Variants in ADGRL3 observed in about 807,000 individuals in gnomAD.
ADGRL3 encodes adhesion G protein-coupled receptor L3.
Under a neutral mutation model 153.5 loss-of-function variants are expected in ADGRL3, and 62 were observed. The observed-to-expected ratio is 0.40, with a 90% confidence interval of 0.33 to 0.50. The LOEUF (loss-of-function observed/expected upper bound fraction) is 0.50. Ranked by LOEUF, ADGRL3 falls within the 20% of genes least tolerant of loss-of-function variation. The probability of loss-of-function intolerance (pLI) is 0.47; values close to 1 mark genes in which losing one functional copy is unlikely to be tolerated. For missense variants in ADGRL3, 1,641 were observed against 1,859.4 expected, an observed-to-expected ratio of 0.88 and a Z score of 2.16; for synonymous variants, 710 against 672.5, an observed-to-expected ratio of 1.06 and a Z score of -0.86.
chr4:61,690,837 A>G (rs1033546782), intron 6 of ADGRL3, among the ~76,000 whole-genome samples: 5 of 152,174 alleles, frequency 3.3e-5, no homozygotes, highest in African/African-American at 1.2e-4. Context: ...TTACTTATCA[A>G]GAGCTACTCA....
At chr4:61,826,108 T>A (rs1043583475) in intron 9 of ADGRL3, among the ~76,000 whole-genome samples, 1 of 147,764 alleles carries the variant, frequency 6.8e-6, no homozygotes, top group Non-Finnish European at 1.5e-5. Context: ...TACCTTGTAG[T>A]GGGAGATTTG....
chr4:61,886,186 A>T (rs1453432787), intron 9 of ADGRL3, among the ~76,000 whole-genome samples: 1 of 152,162 alleles, frequency 6.6e-6, no homozygotes, highest in Middle Eastern at 3.2e-3. Context: ...TAATTTCATG[A>T]CCGATAATAT....
chr4:61,912,695 A>C, intron 12 of ADGRL3, 24 bp from the exon 13 acceptor site: 1 of 1,610,088 alleles, frequency 6.2e-7, no homozygotes, highest in African/African-American at 1.3e-5. Flanking sequence ...TTCTGTGTTT[A>C]ATCTGCTGTC....
chr4:61,661,094 A>C (rs1013695627), intron 5 of ADGRL3, among the ~76,000 whole-genome samples: 7 of 152,068 alleles, frequency 4.6e-5, no homozygotes, highest in African/African-American at 1.7e-4. Flanking sequence ...TTAAGTAAAT[A>C]TTAAGGCCTT....
chr4:61,785,397 C>T (rs2097264933), intron 8 of ADGRL3, among the ~76,000 whole-genome samples: 1 of 152,196 alleles, frequency 6.6e-6, no homozygotes, highest in African/African-American at 2.4e-5. Context: ...TGCCTCTTCA[C>T]ATGATGCCTT....
intron 4 of ADGRL3, among the ~76,000 whole-genome samples, chr4:61,560,011 C>A (rs2098787905): frequency 6.6e-6 from 1 of 152,028 alleles, no homozygotes; most frequent in African/African-American, 2.4e-5. Flanking sequence ...TGAAAAAGTA[C>A]TAATCCTTCA....
intron 8 of ADGRL3, among the ~76,000 whole-genome samples, chr4:61,780,209 G>C (rs190482036): frequency 6.6e-6 from 1 of 152,188 alleles, no homozygotes; most frequent in Non-Finnish European, 1.5e-5. Context: ...CAGAATTACT[G>C]CCTGTATGGT....
intron 10 of ADGRL3, among the ~76,000 whole-genome samples, chr4:61,894,331 G>A (rs2149627796): frequency 6.6e-6 from 1 of 152,124 alleles, no homozygotes; most frequent in Middle Eastern, 3.4e-3. Flanking sequence ...ATGGTGGGTG[G>A]GAAGACCAAA....
intron 1 of ADGRL3, among the ~76,000 whole-genome samples, chr4:61,375,122 G>A (rs555506898): frequency 6.6e-5 from 10 of 151,816 alleles, no homozygotes; most frequent in Non-Finnish European, 1.0e-4. Flanking sequence ...CAGAAACTGC[G>A]TGAGTTTACA....
intron 8 of ADGRL3, among the ~76,000 whole-genome samples, chr4:61,812,905 C>G (rs2097647060): frequency 6.6e-6 from 1 of 151,852 alleles, no homozygotes. Flanking sequence ...TTGTTTTTTT[C>G]ATTAAATACA....
At position 61,250,574 on chromosome 4, in the gene ADGRL3, A is replaced by G. The variant is rs111782381; in HGVS notation, c.-240+48809A>G. On this transcript the variant is annotated intron_variant, in intron 1 of 26. Coordinates refer to ENST00000683033, the MANE Select transcript of ADGRL3 (RefSeq NM_001387552.1). ...CTGACTTCTTTGTTTTTCTCTCTTG[A>G]ATTCTAAGAATTGCCAGTTATTCAG... Among the ~76,000 whole-genome samples the G allele has an allele frequency of 4.7e-3, 708 of 152,214 alleles. 7 individuals are homozygous for G. Among genetic ancestry groups the G allele is most frequent in the Non-Finnish European group, 6.9e-3 (468 of 68,014 alleles).
At chr4:61,799,063 T>TGGTA (rs1339367297) in intron 8 of ADGRL3, among the ~76,000 whole-genome samples, 1 of 126,296 alleles carries the variant, frequency 7.9e-6, no homozygotes, top group Non-Finnish European at 1.7e-5. Flanking sequence ...AGTTATACAG[T>TGGTA]GGTAGATAGA....
chr4:61,251,717 G>A (rs1307590564), intron 1 of ADGRL3, among the ~76,000 whole-genome samples: 2 of 150,782 alleles, frequency 1.3e-5, no homozygotes, highest in Admixed American at 6.6e-5. Flanking sequence ...TAAAACTACT[G>A]TAAATTTAAT....
At position 61,936,050 on chromosome 4, in the gene ADGRL3, G is replaced by T. The variant is rs1361928730; in HGVS notation, c.2419+5G>T. On this transcript the variant is annotated splice_donor_5th_base_variant and intron_variant, in intron 15 of 26. Transcript: ENST00000683033. ...TAAAGCAAAATGGCCGAAATGGTAG[G>T]TTAGAGTTTATTTTTTAAGCTTGAG... The T allele has an allele frequency of 6.2e-7, 1 of 1,610,130 alleles. No homozygotes were observed. Among genetic ancestry groups the T allele is most frequent in the Non-Finnish European group, 8.5e-7 (1 of 1,178,140 alleles).
chr4:62,012,916 A>G (rs1016056161), intron 21 of ADGRL3, among the ~76,000 whole-genome samples: 1 of 152,154 alleles, frequency 6.6e-6, no homozygotes, highest in Non-Finnish European at 1.5e-5. Context: ...CAAGAAGAAT[A>G]TTGTTCTGGT....
At chr4:62,035,384 C>T (rs1346911425) in intron 23 of ADGRL3, among the ~76,000 whole-genome samples, 1 of 151,990 alleles carries the variant, frequency 6.6e-6, no homozygotes, top group African/African-American at 2.4e-5. Flanking sequence ...TGCCTTTATT[C>T]CTCATTTTAC....
At chr4:61,776,879 A>C (rs1304190476) in intron 8 of ADGRL3, among the ~76,000 whole-genome samples, 2 of 152,218 alleles carry the variant, frequency 1.3e-5, no homozygotes, top group Non-Finnish European at 2.9e-5. Context: ...TTAAAGTTGT[A>C]TGCAATTATT....
chr4:61,994,936 A>G (rs565604138), intron 19 of ADGRL3, among the ~76,000 whole-genome samples: 2 of 148,946 alleles, frequency 1.3e-5, no homozygotes, highest in African/African-American at 4.9e-5. Flanking sequence ...TTTTTGAGAC[A>G]GGGTCTCACT....
intron 1 of ADGRL3, among the ~76,000 whole-genome samples, chr4:61,350,314 G>T (rs77858038): frequency 0.019 from 2,824 of 147,086 alleles, 80 homozygotes; most frequent in South Asian, 0.087. Flanking sequence ...TTATGAAAAC[G>T]TATGCCTCCC....
Sources: allele counts gnomAD v4.1 joint callset (sites outside exome capture counted in the v4.1 genomes callset), GRCh38; gene constraint gnomAD v4.1.1; transcripts MANE v1.5; gene names NCBI Gene and HGNC (gene_info 2026-07-23, HGNC 2026-07-21).